Variants in MIA2 observed in about 807,000 individuals in gnomAD.
MIA2 encodes the protein MIA SH3 domain ER export factor 2.
MIA2 carries 127 observed loss-of-function variants against 167.8 expected under a neutral mutation model. The ratio of observed to expected loss-of-function variants is 0.76; its 90% CI spans 0.66 to 0.88. The LOEUF is 0.88. MIA2 is among the 40% of genes least tolerant of loss of function. The pLI is 0.00. For missense variants in MIA2, 1,690 were observed against 1,624.7 expected (o/e 1.04, Z -0.69); for synonymous variants, 552 against 541.9 (o/e 1.02, Z -0.26).
Position 39,308,496 on chromosome 14 carries a change from AAC to A in MIA2, c.2932_2933del (p.His978PhefsTer2). ...QTEQASLQSE[N>X]THFENENQKL... ...TGAACAAGCATCTTTGCAGTCAGAA[AAC>A]ACACATTTTGAAAATGAGAATCAGA... On this transcript the variant is annotated frameshift_variant, in exon 18 of 29. Coordinates refer to ENST00000640607, the MANE Select transcript of MIA2 (RefSeq NM_001329214.4). LOFTEE classifies it high-confidence loss of function. 3 of 1,574,352 alleles carry A rather than the reference AAC, an allele frequency of 1.9e-6. No individual in the cohort carries two copies. Among genetic ancestry groups the A allele is most frequent in the Non-Finnish European group, 2.6e-6 (3 of 1,155,744 alleles).
At chr14:39,383,473 T>TGTATCTC (rs2075209764) in intron 23 of MIA2, among the ~76,000 whole-genome samples, 1 of 152,158 alleles carries the variant, frequency 6.6e-6, no homozygotes, top group Non-Finnish European at 1.5e-5. Context: ...CCTCCCTACT[T>TGTATCTC]CCTAAGATAC....
chr14:39,372,619 G>A (rs2074970634), intron 23 of MIA2, among the ~76,000 whole-genome samples: 1 of 152,128 alleles, frequency 6.6e-6, no homozygotes, highest in South Asian at 2.1e-4. Flanking sequence ...GAATCTAAGA[G>A]TATAGGAAAG....
rs187300852 is a variant in MIA2 at position 39,304,402 on chromosome 14, C to T, written c.2878+21C>T. 4.0e-5 allele frequency: 53 copies of T among 1,316,894 alleles called. No homozygotes were observed. The East Asian group carries it at 1.3e-3, about 32-fold the overall frequency. 81.6% of individuals were successfully genotyped at this position (1,316,894 alleles called of 1,614,324 possible). A position where few individuals can be genotyped will look rare whatever the true frequency, so the allele number is the denominator to read the frequency against. On this transcript the variant is annotated intron_variant, in intron 17 of 28. Transcript: ENST00000640607. ...TACAGGTAGGTCATTGACATACATA[C>T]TTTTAATGTTTTTCTAAGTAAGTAC...
At chr14:39,299,465 G>A (rs4902470) in intron 13 of MIA2, among the ~76,000 whole-genome samples, 82,938 of 151,588 alleles carry the variant, frequency 0.55, 24,415 homozygotes, top group South Asian at 0.67. Flanking sequence ...GTGCCACCAT[G>A]CCAAGCTAAT....
intron 6 of MIA2, among the ~76,000 whole-genome samples, chr14:39,271,817 G>T (rs2057201504): frequency 6.6e-6 from 1 of 151,808 alleles, no homozygotes; most frequent in South Asian, 2.1e-4. Flanking sequence ...CAACCAAGAA[G>T]AATTAGGCAT....
At chr14:39,245,305 C>A (rs1463280331) in intron 3 of MIA2, among the ~76,000 whole-genome samples, 1 of 152,032 alleles carries the variant, frequency 6.6e-6, no homozygotes. Context: ...TTTTGGTTTC[C>A]CTGGGCCACC....
At chr14:39,254,320 A>G (rs2152640902) in intron 6 of MIA2, among the ~76,000 whole-genome samples, 1 of 152,318 alleles carries the variant, frequency 6.6e-6, no homozygotes, top group South Asian at 2.1e-4. Flanking sequence ...GCTGAAGTTG[A>G]AGAAGTACAG....
At chr14:39,317,036 A>G (rs1409266193) in intron 21 of MIA2, among the ~76,000 whole-genome samples, 7 of 152,206 alleles carry the variant, frequency 4.6e-5, no homozygotes, top group South Asian at 2.1e-4. Flanking sequence ...GTTATCTCAG[A>G]TGACATGGGT....
rs559435338 is a variant in MIA2 at position 39,322,269 on chromosome 14, G to A, written c.3496+1213G>A. Among the ~76,000 whole-genome samples the A allele has an allele frequency of 4.2e-4, 64 of 152,218 alleles. No homozygotes were observed. In the South Asian group the frequency reaches 8.7e-3, roughly 21 times the overall value. ...TTTGTTAACACACTGGGGGCTGGGC[G>A]TGGTGGCTCATGCCTGTAATCCCAG... On this transcript the variant is annotated intron_variant, in intron 24 of 28. Transcript: ENST00000640607.
At chr14:39,349,725 A>G (rs2074125106) in intron 28 of MIA2, among the ~76,000 whole-genome samples, 1 of 152,196 alleles carries the variant, frequency 6.6e-6, no homozygotes, top group South Asian at 2.1e-4. Context: ...TAGAATTGGG[A>G]ATCACTAATA....
At chr14:39,339,562 A>G (rs1054845208) in intron 25 of MIA2, among the ~76,000 whole-genome samples, 2 of 152,148 alleles carry the variant, frequency 1.3e-5, no homozygotes, top group Non-Finnish European at 2.9e-5. Flanking sequence ...ATCTTATTCA[A>G]GATGTTGGGA....
At chr14:39,245,446 C>A (rs2054256092) in intron 3 of MIA2, among the ~76,000 whole-genome samples, 1 of 151,814 alleles carries the variant, frequency 6.6e-6, no homozygotes, top group South Asian at 2.1e-4. Flanking sequence ...TTTGTTGGGC[C>A]ACATTCAAAG....
intron 6 of MIA2, chr14:39,267,376 C>G: frequency 1.3e-6 from 2 of 1,598,664 alleles, no homozygotes; most frequent in South Asian, 1.1e-5. Context: ...GGGTTCCGGA[C>G]CGAAGGCTGT....
intron 18 of MIA2, among the ~76,000 whole-genome samples, chr14:39,308,911 A>G (rs927793752): frequency 3.9e-5 from 6 of 152,182 alleles, no homozygotes; most frequent in African/African-American, 1.2e-4. Context: ...CATTAATTCC[A>G]TCTCTGATAT....
chr14:39,290,891 C>A, intron 9 of MIA2, 128 bp from the exon 10 acceptor site: 2 of 865,836 alleles, frequency 2.3e-6, no homozygotes, highest in Non-Finnish European at 3.5e-6. Flanking sequence ...AAACTTAAAG[C>A]TAAGTAAATC....
intron 26 of MIA2, 94 bp downstream of exon 26, chr14:39,346,120 T>G: frequency 1.5e-5 from 16 of 1,047,942 alleles, no homozygotes; most frequent in East Asian, 4.8e-5. Context: ...TTGCTATCTC[T>G]AGTAGTTCCT....
chr14:39,303,431 T>C, intron 15 of MIA2, 47 bp from the exon 16 acceptor site: 1 of 1,392,078 alleles, frequency 7.2e-7, no homozygotes, highest in Non-Finnish European at 1.0e-6. Context: ...ATTGTCGTAT[T>C]GTACTATTTT....
rs113749900 is a variant in MIA2 at position 39,383,811 on chromosome 14, G to C, written c.2249-3074G>C. ...TTCTCTTAAGCCAACATCTAATCCA[G>C]AGCAAAGCCCTCACTCTCTTCAAGT... On this transcript the variant is annotated intron_variant, in intron 23 of 23. Coordinates refer to the MIA2 transcript ENST00000341502. Among the ~76,000 whole-genome samples the C allele has an allele frequency of 4.7e-3, 711 of 152,298 alleles. 6 individuals carry two copies. The highest frequency in any genetic ancestry group is 0.017 in the African/African-American group (687 of 41,570).
chr14:39,377,864 C>T (rs2075074413), intron 23 of MIA2, among the ~76,000 whole-genome samples: 1 of 151,814 alleles, frequency 6.6e-6, no homozygotes, highest in South Asian at 2.1e-4. Flanking sequence ...TTATCTGTGC[C>T]TTCAAATACC....
Sources: gnomAD v4.1 joint callset for allele counts (sites outside exome capture counted in the v4.1 genomes callset) on GRCh38, gnomAD v4.1.1 for gene constraint, MANE v1.5 for transcripts, NCBI Gene and HGNC (gene_info 2026-07-23, HGNC 2026-07-21) for gene names.